DNAH17: variants seen among roughly 807,000 people sequenced by gnomAD.
DNAH17 encodes the protein axonemal beta dynein heavy chain 17.
In DNAH17, 376 loss-of-function variants were observed where a neutral mutation model predicts 485.6. The observed-to-expected ratio is 0.77, with a 90% confidence interval of 0.71 to 0.84. The LOEUF (loss-of-function observed/expected upper bound fraction) is 0.84, where lower values mean the gene tolerates loss of function less well. Among genes scored for constraint, DNAH17 ranks in the 40% least tolerant of loss-of-function variants. The pLI, the probability that DNAH17 is intolerant of heterozygous loss-of-function variation, is 0.00. For missense variants in DNAH17, 6,370 were observed against 5,839.3 expected, an observed-to-expected ratio of 1.09 and a Z score of -2.96; for synonymous variants, 3,031 against 2,405.9, an observed-to-expected ratio of 1.26 and a Z score of -7.60.
rs1366630596 is a variant in DNAH17, at chr17:78,429,374, G to A, written c.12226-74C>T. On this transcript the variant is annotated intron_variant, in intron 75 of 80. Transcript: ENST00000389840. Reference sequence around the variant, plus strand: ...TCTGCCATGAGAGGGTCAGGCTCAGGCAGGCAGGGCGTGGGAACCCAGCCA... The same window carrying A: ...TCTGCCATGAGAGGGTCAGGCTCAGACAGGCAGGGCGTGGGAACCCAGCCA... The A allele has an allele frequency of 6.6e-6, 10 of 1,503,882 alleles. No individual in the cohort carries two copies. The African/African-American group carries it at 1.4e-4, about 21-fold the overall frequency. 93.2% of individuals were successfully genotyped at this position (1,503,882 alleles called of 1,614,324 possible).
intron 25 of DNAH17, among the ~76,000 whole-genome samples, chr17:78,521,911 A>G (rs757247710): frequency 2.0e-5 from 3 of 152,118 alleles, no homozygotes; most frequent in Non-Finnish European, 4.4e-5. Context: ...CCTTGAACCC[A>G]GGAGACAGAG....
rs747046978 is a variant in DNAH17, at chr17:78,441,109, C to T, written c.11619G>A (p.Thr3873=). 36 of 1,613,608 alleles carry T rather than the reference C, an allele frequency of 2.2e-5. No individual in the cohort carries two copies. The highest frequency in any genetic ancestry group is 1.6e-4 in the Middle Eastern group (1 of 6,062). The change falls in exon 72 of 81, where the codon ACG becomes ACA. Residue 3873 remains threonine, a synonymous_variant. Coordinates refer to ENST00000389840, the MANE Select transcript of DNAH17 (RefSeq NM_173628.4). Reference sequence around the variant, plus strand: ...CCGGGGAGAGGATGAAGAAGATTGACGTGGAGGGGCTGCTCTCCTCGTAGG... The same window carrying T: ...CCGGGGAGAGGATGAAGAAGATTGATGTGGAGGGGCTGCTCTCCTCGTAGG... The part of the protein sequence containing the change: ...SKSYEESSPS[T]SIFFILSPGV...
chr17:78,510,434 C>T lies in DNAH17; in HGVS notation c.4186G>A (p.Glu1396Lys), dbSNP rs779115314. The change falls in exon 27 of 81, where the codon GAG becomes AAG. Residue 1396 changes from glutamate (E) to lysine (K), a missense_variant. Transcript: ENST00000389840. The stretch of plus-strand genomic sequence containing the variant: ...GCCTTGTCCACGATGTTGCGGACCT[C>T]ATCCTCGTAACTGTGGAGGTTCAGC... Reference protein sequence around the residue: ...LQLNLHSYEDEVRNIVDKAVK... With the variant: ...LQLNLHSYEDKVRNIVDKAVK... 5 of 1,613,596 alleles carry T rather than the reference C, an allele frequency of 3.1e-6. No individual in the cohort carries two copies. In the South Asian group the frequency reaches 4.4e-5, roughly 14 times the overall value.
At position 78,455,796 on chromosome 17, in the gene DNAH17, C is replaced by A. The variant is rs1194411955; in HGVS notation, c.10018G>T (p.Glu3340Ter). 4 of 1,611,690 alleles carry A rather than the reference C, an allele frequency of 2.5e-6. No homozygotes were observed. The highest frequency in any genetic ancestry group is 3.4e-6 in the Non-Finnish European group (4 of 1,179,066). ...GLASENIRWA[E>*]SVENFRSQGV... ...TGGCTCCTGAAGTTCTCCACAGACT[C>A]AGCCCAGCGGATGTTTTCCGATGCT... Residue 3340 changes from glutamate to a stop codon, truncating the protein, a stop_gained, in exon 63 of 81, where the codon GAG (glutamate) becomes TAG (stop). Coordinates refer to ENST00000389840, the MANE Select transcript of DNAH17 (RefSeq NM_173628.4). LOFTEE classifies it high-confidence loss of function.
chr17:78,458,660 G>A lies in DNAH17; in HGVS notation c.9882C>T (p.Ser3294=), dbSNP rs762914537. The part of the protein sequence containing the change: ...NKIAELNANL[S]NLTSAFEKAT... The stretch of plus-strand genomic sequence containing the variant: ...CTTTTTCAAACGCTGAGGTTAGGTT[G>A]CTCAGGTTGGCGTTAAGTTCCTGCA... Residue 3294 remains serine, a synonymous_variant, in exon 62 of 81, where the codon AGC becomes AGT. Coordinates refer to ENST00000389840, the MANE Select transcript of DNAH17 (RefSeq NM_173628.4). 6.2e-7 allele frequency: 1 copy of A among 1,614,020 alleles called. No individual in the cohort carries two copies. Among genetic ancestry groups the A allele is most frequent in the South Asian group, 1.1e-5 (1 of 91,086 alleles).
At chr17:78,554,139 A>G (rs1568246120) in intron 14 of DNAH17, among the ~76,000 whole-genome samples, 1 of 152,166 alleles carries the variant, frequency 6.6e-6, no homozygotes, top group African/African-American at 2.4e-5. Flanking sequence ...CAGGATCTGC[A>G]GAGAAACTAT....
chr17:78,427,336 C>T (rs1014751889), intron 77 of DNAH17, among the ~76,000 whole-genome samples: 1 of 152,240 alleles, frequency 6.6e-6, no homozygotes, highest in Non-Finnish European at 1.5e-5. Context: ...CAAGTCCCTG[C>T]AGCCGCGGCC....
chr17:78,529,467 C>A lies in DNAH17; in HGVS notation c.3507+5G>T, dbSNP rs374387391. On this transcript the variant is annotated splice_donor_5th_base_variant and intron_variant, in intron 22 of 80. Transcript: ENST00000389840. ...TGGACGCAGCCACACCCACCCACCA[C>A]GTACCTGCAGCTTCAAGTGGATCTC... The A allele has an allele frequency of 3.7e-6, 6 of 1,613,700 alleles. No homozygotes were observed. The highest frequency in any genetic ancestry group is 3.3e-5 in the Admixed American group (2 of 60,024).
chr17:78,555,476 G>A (rs868364745), intron 14 of DNAH17, among the ~76,000 whole-genome samples: 1 of 139,192 alleles, frequency 7.2e-6, no homozygotes, highest in African/African-American at 2.6e-5. Context: ...AAGATATTAC[G>A]GCCCCTGGTG....
intron 54 of DNAH17, among the ~76,000 whole-genome samples, chr17:78,473,450 A>G (rs1397109325): frequency 6.7e-6 from 1 of 149,752 alleles, no homozygotes; most frequent in East Asian, 2.0e-4. Flanking sequence ...AGGCTGAGGC[A>G]GGAGAATGGT....
intron 37 of DNAH17, among the ~76,000 whole-genome samples, chr17:78,497,278 A>G (rs559589127): frequency 6.2e-4 from 95 of 152,220 alleles, no homozygotes; most frequent in Admixed American, 2.5e-3. Flanking sequence ...TCACCACTTG[A>G]GGGGGCCCAA....
chr17:78,479,087 G>A lies in DNAH17; in HGVS notation c.7930C>T (p.Leu2644Phe). The A allele has an allele frequency of 1.9e-6, 3 of 1,614,034 alleles. No homozygotes were observed. Among genetic ancestry groups the A allele is most frequent in the Non-Finnish European group, 1.7e-6 (2 of 1,179,900 alleles). Residue 2644 changes from leucine (L) to phenylalanine (F), a missense_variant, in exon 51 of 81, where the codon CTT (leucine) becomes TTT (phenylalanine). Transcript: ENST00000389840. ...TAATGAAACTTAATGGCCGTGGGAAGAAATGTTGCCGTGATTTTCTGATGC... is the reference window on the plus strand; with the variant it reads ...TAATGAAACTTAATGGCCGTGGGAAAAAATGTTGCCGTGATTTTCTGATGC... ...ALHQKITATF[L>F]PTAIKFHYVF...
rs762221513 is a variant in DNAH17 at position 78,480,712 on chromosome 17, C to G, written c.7724G>C (p.Gly2575Ala). The G allele has an allele frequency of 3.5e-5, 56 of 1,613,490 alleles. No homozygotes were observed. Among genetic ancestry groups the G allele is most frequent in the Non-Finnish European group, 3.9e-5 (46 of 1,179,824 alleles). The change falls in exon 49 of 81, where the codon GGA becomes GCA. Residue 2575 changes from glycine (G) to alanine (A), a missense_variant. Physicochemically the swap from Gly to Ala is moderately conservative, Grantham distance 60. Transcript: ENST00000389840. Reference protein sequence around the residue: ...QYVACMNPTSGSFTIDSRLQR... With the variant: ...QYVACMNPTSASFTIDSRLQR... ...AAGCCTGGAGTCGATGGTGAAGGAT[C>G]CGGAAGTGGGGTTCATGCAGGCCAC... is the stretch of plus-strand genomic sequence containing the variant.
intron 15 of DNAH17, among the ~76,000 whole-genome samples, chr17:78,552,489 C>T (rs920180754): frequency 2.7e-4 from 41 of 149,904 alleles, no homozygotes; most frequent in African/African-American, 9.8e-4. Flanking sequence ...TGCCGGATTC[C>T]GTTTCTAAGT....
In DNAH17 at chr17:78,542,036, G is replaced by C. The variant is rs116310805; in HGVS notation, c.2532+1821C>G. Among the ~76,000 whole-genome samples, 672 of 151,826 alleles carry C rather than the reference G, an allele frequency of 4.4e-3. 6 individuals are homozygous for C. Among genetic ancestry groups the C allele is most frequent in the African/African-American group, 0.015 (624 of 41,352 alleles). On this transcript the variant is annotated intron_variant, in intron 17 of 80. Coordinates refer to ENST00000389840, the MANE Select transcript of DNAH17 (RefSeq NM_173628.4). ...ACAGCCAATAATGGCCCATCCCCCG[G>C]GTGTGGCCTGCTGGTCTGTCTAGAT...
chr17:78,481,431 C>A (rs1039124033), intron 48 of DNAH17, among the ~76,000 whole-genome samples: 2 of 152,118 alleles, frequency 1.3e-5, no homozygotes, highest in Non-Finnish European at 2.9e-5. Flanking sequence ...GAAGCAGCTG[C>A]TGTGACTTCA....
At chr17:78,520,586 A>C (rs1007987069) in intron 25 of DNAH17, among the ~76,000 whole-genome samples, 1 of 152,260 alleles carries the variant, frequency 6.6e-6, no homozygotes, top group Admixed American at 6.5e-5. Flanking sequence ...AAACATGTGC[A>C]AACCAAAATT....
At chr17:78,446,678 CTG>C (rs1465447560) in intron 69 of DNAH17, among the ~76,000 whole-genome samples, 1 of 152,174 alleles carries the variant, frequency 6.6e-6, no homozygotes, top group Non-Finnish European at 1.5e-5. Flanking sequence ...GAGTCTCACT[CTG>C]TCACCCAGGC....
At chr17:78,561,470 G>A (rs1369327841) in intron 12 of DNAH17, among the ~76,000 whole-genome samples, 1 of 152,126 alleles carries the variant, frequency 6.6e-6, no homozygotes, top group African/African-American at 2.4e-5. Context: ...CTGCCTGGGT[G>A]GTCTTCATGT....
Sources: allele counts gnomAD v4.1 joint callset (sites outside exome capture counted in the v4.1 genomes callset), GRCh38; gene constraint gnomAD v4.1.1; transcripts MANE v1.5; gene names NCBI Gene and HGNC (gene_info 2026-07-23, HGNC 2026-07-21).